SEM1: variants seen among roughly 807,000 people sequenced by gnomAD.
The protein encoded by SEM1 is SEM1 26S proteasome subunit.
Under a neutral mutation model 12.7 loss-of-function variants are expected in SEM1, and 3 were observed. That is an observed-to-expected ratio of 0.24 (90% confidence interval 0.11 to 0.61). The LOEUF is 0.61. Among genes scored for constraint, SEM1 ranks in the 20% least tolerant of loss-of-function variants. SEM1 has a pLI of 0.88. For missense variants in SEM1, 59 were observed against 81.3 expected, an observed-to-expected ratio of 0.73 and a Z score of 1.06; for synonymous variants, 30 against 27.8, an observed-to-expected ratio of 1.08 and a Z score of -0.25.
downstream of SEM1, among the ~76,000 whole-genome samples, chr7:96,619,248 T>G (rs1362341126): frequency 6.6e-6 from 1 of 152,206 alleles, no homozygotes; most frequent in Non-Finnish European, 1.5e-5. Context: ...AAATTGTTTT[T>G]GTAGGAAAAA....
chr7:96,616,392 T>C (rs187627072), intron 2 of SEM1, among the ~76,000 whole-genome samples: 249 of 152,244 alleles, frequency 1.6e-3, no homozygotes, highest in African/African-American at 5.8e-3. Context: ...TGGTTTTTTT[T>C]CAGTGTTTGT....
chr7:96,486,898 C>G (rs559084906), intron 1 of SEM1, among the ~76,000 whole-genome samples: 3 of 152,176 alleles, frequency 2.0e-5, no homozygotes, highest in Non-Finnish European at 4.4e-5. Context: ...TTCTGTGCCC[C>G]TGGGAAAGGG....
chr7:96,608,815 T>C (rs1807459543), intron 2 of SEM1, among the ~76,000 whole-genome samples: 1 of 152,254 alleles, frequency 6.6e-6, no homozygotes, highest in Admixed American at 6.5e-5. Flanking sequence ...TGTTTATCCC[T>C]TCATCAATTC....
chr7:96,501,214 C>G (rs902182359), upstream of SEM1, among the ~76,000 whole-genome samples: 1 of 152,112 alleles, frequency 6.6e-6, no homozygotes, highest in Non-Finnish European at 1.5e-5. Context: ...TGCCTTGCCA[C>G]AGAAGTCTCA....
chr7:96,680,058 ACT>A (rs1789560590), intron 2 of SEM1, among the ~76,000 whole-genome samples: 1 of 151,988 alleles, frequency 6.6e-6, no homozygotes, highest in South Asian at 2.1e-4. Flanking sequence ...TTCCTGAGTA[ACT>A]CTCAACCAAT....
intron 2 of SEM1, among the ~76,000 whole-genome samples, chr7:96,557,772 G>A (rs527577692): frequency 7.2e-5 from 11 of 151,850 alleles, no homozygotes; most frequent in East Asian, 2.0e-4. Flanking sequence ...AGGCAATGGC[G>A]GGCGCCCTTC....
At chr7:96,515,426 T>TG (rs1450686093) in intron 2 of SEM1, among the ~76,000 whole-genome samples, 1 of 152,108 alleles carries the variant, frequency 6.6e-6, no homozygotes, top group African/African-American at 2.4e-5. Context: ...ACAAGGTTGG[T>TG]GGGAGTGTAA....
intron 2 of SEM1, among the ~76,000 whole-genome samples, chr7:96,675,222 C>A (rs2115619989): frequency 6.6e-6 from 1 of 152,286 alleles, no homozygotes; most frequent in East Asian, 1.9e-4. Flanking sequence ...CTGTCTTCTG[C>A]ACACAGTATG....
intron 2 of SEM1, among the ~76,000 whole-genome samples, chr7:96,579,223 C>T (rs1806304215): frequency 6.6e-6 from 1 of 152,134 alleles, no homozygotes; most frequent in Non-Finnish European, 1.5e-5. Flanking sequence ...TCCAATGGTG[C>T]CAGTCATTAC....
intron 2 of SEM1, among the ~76,000 whole-genome samples, chr7:96,554,415 T>A (rs1356186669): frequency 2.9e-5 from 4 of 139,140 alleles, no homozygotes; most frequent in African/African-American, 1.1e-4. Flanking sequence ...AGGGTTGTTG[T>A]ATTTTGTCAA....
intron 2 of SEM1, among the ~76,000 whole-genome samples, chr7:96,632,759 A>C (rs1808307120): frequency 6.8e-6 from 1 of 147,612 alleles, no homozygotes; most frequent in South Asian, 2.2e-4. Flanking sequence ...GTTCTTATGA[A>C]GGTGGTTTTT....
intron 1 of SEM1, among the ~76,000 whole-genome samples, chr7:96,707,118 C>A (rs1182400320): frequency 6.6e-6 from 1 of 152,172 alleles, no homozygotes; most frequent in Non-Finnish European, 1.5e-5. Context: ...AAAGCCCACA[C>A]TGATTAAGTA....
downstream of SEM1, chr7:96,622,512 C>T: frequency 1.5e-6 from 1 of 689,276 alleles, no homozygotes; most frequent in Non-Finnish European, 2.6e-6. Flanking sequence ...GCCAAAGTTG[C>T]TGGAAGCTCT....
In SEM1 at chr7:96,570,355, C is replaced by G. The variant is rs532269912; in HGVS notation, c.171-63657G>C. Among the ~76,000 whole-genome samples the G allele has an allele frequency of 2.2e-4, 33 of 152,100 alleles. 1 individual carries two copies. Among genetic ancestry groups the G allele is most frequent in the African/African-American group, 7.7e-4 (32 of 41,480 alleles). On this transcript the variant is annotated intron_variant and NMD_transcript_variant, in intron 2 of 3. Coordinates refer to the SEM1 transcript ENST00000466986. Reference sequence around the variant, plus strand: ...TGCTATCTCTCCCCTAGCCCCCCACCCCCTGACAGGCCACGGTGTATGATG... The same window carrying G: ...TGCTATCTCTCCCCTAGCCCCCCACGCCCTGACAGGCCACGGTGTATGATG...
At chr7:96,568,612 C>T (rs932734988) in intron 2 of SEM1, among the ~76,000 whole-genome samples, 2 of 151,688 alleles carry the variant, frequency 1.3e-5, no homozygotes, top group African/African-American at 2.4e-5. Context: ...CCTCTGATCA[C>T]CTTTTTTGCC....
At chr7:96,531,468 G>T (rs1389585198) in intron 2 of SEM1, among the ~76,000 whole-genome samples, 2 of 151,218 alleles carry the variant, frequency 1.3e-5, no homozygotes, top group Non-Finnish European at 3.0e-5. Flanking sequence ...GTCAGGCAGG[G>T]TGGTGTGCAT....
intron 2 of SEM1, among the ~76,000 whole-genome samples, chr7:96,573,588 A>G (rs181008191): frequency 1.3e-5 from 2 of 152,224 alleles, no homozygotes; most frequent in Middle Eastern, 3.4e-3. Context: ...AATGTTGAAT[A>G]TTGGCCCCCC....
chr7:96,693,790 GTATATA>G (rs532367417), intron 2 of SEM1, among the ~76,000 whole-genome samples: 3 of 145,446 alleles, frequency 2.1e-5, no homozygotes, highest in Admixed American at 6.8e-5. Context: ...GTGTGTGTGT[GTATATA>G]TATATATATA....
rs570139464 is a variant in SEM1 at position 96,546,195 on chromosome 7, C to T, written c.171-39497G>A. ...GAACCCAACAACTGCCAAGACTGATCGGACACCTACTGCTAAATGTTGGAG... is the reference window on the plus strand; with the variant it reads ...GAACCCAACAACTGCCAAGACTGATTGGACACCTACTGCTAAATGTTGGAG... On this transcript the variant is annotated intron_variant and NMD_transcript_variant, in intron 2 of 3. Coordinates refer to the SEM1 transcript ENST00000466986. 6.6e-5 allele frequency among the ~76,000 whole-genome samples: 10 copies of T among 152,160 alleles called. No homozygotes were observed. In the East Asian group the frequency reaches 7.8e-4, roughly 12 times the overall value.
Sources: allele counts gnomAD v4.1 joint callset (sites outside exome capture counted in the v4.1 genomes callset), GRCh38; gene constraint gnomAD v4.1.1; transcripts MANE v1.5; gene names NCBI Gene and HGNC (gene_info 2026-07-23, HGNC 2026-07-21).